DPT: variants seen among roughly 807,000 people sequenced by gnomAD.
The protein encoded by DPT is dermatopontin, also known as tyrosine-rich acidic matrix protein.
In DPT, 21 loss-of-function variants were observed where a neutral mutation model predicts 31.2. The ratio of observed to expected loss-of-function variants is 0.67; its 90% CI spans 0.48 to 0.97. The LOEUF (loss-of-function observed/expected upper bound fraction) is 0.97. DPT is among the 50% of genes least tolerant of loss of function. The pLI, the probability that DPT is intolerant of heterozygous loss-of-function variation, is 0.00. For synonymous variants in DPT, 91 were observed against 86.9 expected, an observed-to-expected ratio of 1.05 and a Z score of -0.26; for missense variants, 262 against 258.8, an observed-to-expected ratio of 1.01 and a Z score of -0.08.
chr1:168,719,491 G>T (rs770367808), intron 1 of DPT, among the ~76,000 whole-genome samples: 20 of 152,240 alleles, frequency 1.3e-4, no homozygotes, highest in Middle Eastern at 3.4e-3. Flanking sequence ...AAAGAGATGG[G>T]TAGCGGTCAA....
chr1:168,711,603 C>T (rs1193064987), intron 2 of DPT, among the ~76,000 whole-genome samples: 1 of 152,144 alleles, frequency 6.6e-6, no homozygotes, highest in East Asian at 1.9e-4. Flanking sequence ...ATGTCTTGTT[C>T]CTCTGCATAA....
At chr1:168,724,762 G>A (rs1186063638) in intron 1 of DPT, among the ~76,000 whole-genome samples, 8 of 152,102 alleles carry the variant, frequency 5.3e-5, no homozygotes, top group Middle Eastern at 3.2e-3. Context: ...GAAATAGTCC[G>A]ACCATGGAAA....
intron 2 of DPT, among the ~76,000 whole-genome samples, chr1:168,711,043 C>T (rs534461968): frequency 6.7e-6 from 1 of 150,088 alleles, no homozygotes; most frequent in African/African-American, 2.5e-5. Flanking sequence ...CAGAGTCTTG[C>T]TCTGTCGCCC....
At chr1:168,708,052 T>A (rs1465845652) in intron 2 of DPT, among the ~76,000 whole-genome samples, 1 of 152,220 alleles carries the variant, frequency 6.6e-6, no homozygotes, top group Non-Finnish European at 1.5e-5. Flanking sequence ...CATTTGCACA[T>A]AACCTATGAA....
At chr1:168,710,473 G>T (rs1004025808) in intron 2 of DPT, among the ~76,000 whole-genome samples, 5 of 152,122 alleles carry the variant, frequency 3.3e-5, no homozygotes, top group Non-Finnish European at 5.9e-5. Flanking sequence ...GGGGGTTGGG[G>T]TGGGTTCAGA....
intron 3 of DPT, among the ~76,000 whole-genome samples, chr1:168,700,715 G>A (rs1010030747): frequency 1.3e-5 from 2 of 152,156 alleles, no homozygotes; most frequent in Non-Finnish European, 2.9e-5. Flanking sequence ...CACTTGCAAG[G>A]TGAGCAGCTC....
intron 2 of DPT, among the ~76,000 whole-genome samples, chr1:168,706,919 C>T (rs531844): frequency 0.97 from 148,224 of 152,340 alleles, 72,140 homozygotes; most frequent in East Asian, 1. Context: ...TCACCCTGGG[C>T]CTGCATGTCA....
rs555745624 is a variant in DPT, at chr1:168,705,518, C to T, written c.432-4394G>A. Among the ~76,000 whole-genome samples, 168 of 152,236 alleles carry T rather than the reference C, an allele frequency of 1.1e-3. 1 individual carries two copies. The highest frequency in any genetic ancestry group is 3.5e-3 in the African/African-American group (145 of 41,546). On this transcript the variant is annotated intron_variant, in intron 2 of 3. Transcript: ENST00000367817. ...GCATTTACATATGAACAGATCAGAA[C>T]GGGTACCTGAGGAAGCCATACTTCA...
chr1:168,712,456 A>G (rs185498744), intron 2 of DPT, among the ~76,000 whole-genome samples: 45 of 152,300 alleles, frequency 3.0e-4, no homozygotes, highest in Non-Finnish European at 4.4e-4. Context: ...AAATAAATTC[A>G]CTGACTGAGT....
chr1:168,708,083 A>G (rs1649763154), intron 2 of DPT, among the ~76,000 whole-genome samples: 1 of 152,168 alleles, frequency 6.6e-6, no homozygotes, highest in Non-Finnish European at 1.5e-5. Flanking sequence ...TTTACTTTAA[A>G]TCACCTCTAG....
intron 1 of DPT, among the ~76,000 whole-genome samples, chr1:168,717,797 T>C (rs1650018850): frequency 6.6e-6 from 1 of 152,142 alleles, no homozygotes; most frequent in Admixed American, 6.6e-5. Flanking sequence ...CCTTCTTCAT[T>C]CTACCATTGC....
chr1:168,719,754 A>T (rs1389409319), intron 1 of DPT, among the ~76,000 whole-genome samples: 1 of 151,632 alleles, frequency 6.6e-6, no homozygotes, highest in Non-Finnish European at 1.5e-5. Flanking sequence ...GGGCACTGGT[A>T]CCTTACTTAC....
At chr1:168,707,901 A>G (rs1044958431) in intron 2 of DPT, among the ~76,000 whole-genome samples, 2 of 152,242 alleles carry the variant, frequency 1.3e-5, no homozygotes, top group South Asian at 4.2e-4. Context: ...TAAGTTACCC[A>G]GTCTCGGGTA....
intron 2 of DPT, 37 bp downstream of exon 2, chr1:168,714,184 C>T (rs764047608): frequency 2.5e-6 from 4 of 1,613,672 alleles, no homozygotes; most frequent in East Asian, 4.5e-5. Flanking sequence ...TCTCCCACCC[C>T]AGGAGTCATG....
Position 168,695,843 on chromosome 1 carries a change from T to C in DPT, c.*706A>G, listed in dbSNP as rs1649455257. 1 of 234,380 alleles carries C rather than the reference T, an allele frequency of 4.3e-6. No individual in the cohort carries two copies. The highest frequency in any genetic ancestry group is 8.2e-6 in the Non-Finnish European group (1 of 121,292). 14.5% of individuals were successfully genotyped at this position (234,380 alleles called of 1,614,324 possible). A position where few individuals can be genotyped will look rare whatever the true frequency, so the allele number is the denominator to read the frequency against. ...CTGCTTCCTTGTTTTTAATCTCATT[T>C]GAGAGTGATCCTCACGGGTTCCCCT... On this transcript the variant is annotated 3_prime_UTR_variant, in exon 4 of 4. Transcript: ENST00000367817.
intron 2 of DPT, among the ~76,000 whole-genome samples, chr1:168,712,014 C>T (rs964091962): frequency 6.6e-6 from 1 of 152,028 alleles, no homozygotes; most frequent in Non-Finnish European, 1.5e-5. Flanking sequence ...ATTTTCTGGG[C>T]CACTTCACAT....
At chr1:168,705,202 G>C (rs928302050) in intron 2 of DPT, among the ~76,000 whole-genome samples, 1 of 152,162 alleles carries the variant, frequency 6.6e-6, no homozygotes, top group African/African-American at 2.4e-5. Context: ...CCACCTCTAC[G>C]AGACCTTATT....
intron 2 of DPT, among the ~76,000 whole-genome samples, chr1:168,704,817 T>A (rs1204578306): frequency 6.6e-6 from 1 of 152,204 alleles, no homozygotes; most frequent in African/African-American, 2.4e-5. Flanking sequence ...GGAAATCAGT[T>A]CGAACTGAAG....
chr1:168,722,566 A>C (rs1398069977), intron 1 of DPT, among the ~76,000 whole-genome samples: 1 of 152,230 alleles, frequency 6.6e-6, no homozygotes, highest in Non-Finnish European at 1.5e-5. Context: ...AATGGGTTCA[A>C]ATAATGAGCT....
Sources: allele counts gnomAD v4.1 joint callset (sites outside exome capture counted in the v4.1 genomes callset), GRCh38; gene constraint gnomAD v4.1.1; transcripts MANE v1.5; gene names NCBI Gene and HGNC (gene_info 2026-07-23, HGNC 2026-07-21).